The following HEPH variants were observed in gnomAD, a reference collection of about 807,000 sequenced individuals.
HEPH encodes the protein hephaestin.
HEPH carries 69 observed loss-of-function variants against 80.8 expected under a neutral mutation model. The ratio of observed to expected loss-of-function variants is 0.85; its 90% CI spans 0.70 to 1.04. The LOEUF (loss-of-function observed/expected upper bound fraction) is 1.04, where lower values mean the gene tolerates loss of function less well. HEPH is among the 50% of genes least tolerant of loss of function. The pLI, the probability that HEPH is intolerant of heterozygous loss-of-function variation, is 0.00. For synonymous variants in HEPH, 431 were observed against 322.8 expected, an observed-to-expected ratio of 1.34 and a Z score of -3.60; for missense variants, 1,115 against 891.3, an observed-to-expected ratio of 1.25 and a Z score of -3.20.
At chrX:66,207,157 A>T in intron 13 of HEPH, 38 bp from the exon 14 acceptor site, 2 of 1,124,043 alleles carry the variant, frequency 1.8e-6, no homozygotes, top group Admixed American at 2.4e-5. Context: ...TGAGGGGTTG[A>T]TGGCCAGGTG....
intron 15 of HEPH, among the ~76,000 whole-genome samples, chrX:66,222,499 G>A (rs756896358): frequency 8.9e-6 from 1 of 111,943 alleles, no homozygotes; most frequent in African/African-American, 3.2e-5. Context: ...TGTCTTAATT[G>A]CCAAAGTTTG....
At chrX:66,201,883 A>G (rs2088478205) in intron 12 of HEPH, among the ~76,000 whole-genome samples, 1 of 112,416 alleles carries the variant, frequency 8.9e-6, no homozygotes, top group Non-Finnish European at 1.9e-5. Flanking sequence ...AATTGCTGAT[A>G]GGATTTACTG....
In HEPH at chrX:66,197,824, A is replaced by T. The variant is rs2088187352; in HGVS notation, c.1643A>T (p.Asp548Val). 8.3e-7 allele frequency: 1 copy of T among 1,210,882 alleles called. No homozygotes were observed. The highest frequency in any genetic ancestry group is 1.1e-6 in the Non-Finnish European group (1 of 895,177). ...TTCTCTGCTGCAGATCCCATAAGAGACACAAATTCTGGCCTGGTGGGCCCG... is the reference window on the plus strand; with the variant it reads ...TTCTCTGCTGCAGATCCCATAAGAGTCACAAATTCTGGCCTGGTGGGCCCG... ...MYFSAADPIR[D>V]TNSGLVGPLL... Residue 548 changes from aspartate (D) to valine (V), a missense_variant, in exon 10 of 21, where the codon GAC (aspartate) becomes GTC (valine). Around this residue, in one of 3 missense-constraint regions of HEPH, gnomAD observed 716 missense variants for 523.5 expected, o/e 1.37. Transcript: ENST00000343002.
chrX:66,230,217 A>G (rs2090069243), intron 15 of HEPH, among the ~76,000 whole-genome samples: 1 of 88,304 alleles, frequency 1.1e-5, no homozygotes, highest in Non-Finnish European at 2.2e-5. Flanking sequence ...GCTATTGTGA[A>G]TAATGCCGCA....
rs773316131 is a variant in HEPH, at chrX:66,164,311, C to T, written c.-173C>T. 2.1e-5 allele frequency: 16 copies of T among 751,163 alleles called. No individual in the cohort carries two copies. Among genetic ancestry groups the T allele is most frequent in the Non-Finnish European group, 2.5e-5 (16 of 638,185 alleles). 61.9% of individuals were successfully genotyped at this position (751,163 alleles called of 1,213,427 possible). On this transcript the variant is annotated 5_prime_UTR_variant, in exon 1 of 21. Transcript: ENST00000343002. ...CCTTCCCCCTCCCTCATCCTCCCAT[C>T]CCAGTAAACCCTGCCAAATTGGAAT...
intron 15 of HEPH, among the ~76,000 whole-genome samples, chrX:66,234,579 GTT>G (rs370098918): frequency 9.7e-6 from 1 of 103,219 alleles, no homozygotes; most frequent in African/African-American, 3.5e-5. Context: ...CCACCATCTG[GTT>G]TTTTTTTTTG....
chrX:66,226,363 A>G (rs1204350239), intron 15 of HEPH, among the ~76,000 whole-genome samples: 1 of 112,174 alleles, frequency 8.9e-6, no homozygotes, highest in Non-Finnish European at 1.9e-5. Context: ...GCATATATAG[A>G]CAATCTATGG....
At chrX:66,251,456 G>C (rs934794999) in intron 15 of HEPH, among the ~76,000 whole-genome samples, 1 of 111,991 alleles carries the variant, frequency 8.9e-6, no homozygotes, top group African/African-American at 3.2e-5. Context: ...GGCTAATAAT[G>C]TTTAACATCT....
intron 15 of HEPH, among the ~76,000 whole-genome samples, chrX:66,235,434 C>A (rs1247114480): frequency 9.0e-6 from 1 of 111,415 alleles, no homozygotes; most frequent in Non-Finnish European, 1.9e-5. Context: ...GTTATCCTAG[C>A]ACCATTTATT....
At chrX:66,241,969 C>T (rs1053736114) in intron 15 of HEPH, among the ~76,000 whole-genome samples, 1 of 109,592 alleles carries the variant, frequency 9.1e-6, no homozygotes, top group Non-Finnish European at 1.9e-5. Context: ...CAATGGTATT[C>T]CTATCAAACC....
At chrX:66,208,634 A>G (rs2088939028) in intron 15 of HEPH, among the ~76,000 whole-genome samples, 1 of 445 alleles carries the variant, frequency 2.2e-3, no homozygotes, top group Middle Eastern at 0.33. Flanking sequence ...ATACATACAT[A>G]TATATATATA....
intron 20 of HEPH, among the ~76,000 whole-genome samples, chrX:66,266,085 C>T (rs1287968592): frequency 9.0e-6 from 1 of 110,999 alleles, no homozygotes; most frequent in East Asian, 2.8e-4. Flanking sequence ...CTTATTGCCT[C>T]CAATTCTACC....
intron 15 of HEPH, among the ~76,000 whole-genome samples, chrX:66,253,423 G>T (rs12015027): frequency 0.091 from 10,148 of 111,874 alleles, 1,064 homozygotes; most frequent in African/African-American, 0.31. Context: ...CTTTTCACAT[G>T]CTAGGATAAC....
intron 15 of HEPH, among the ~76,000 whole-genome samples, chrX:66,215,652 T>C (rs1281678320): frequency 2.7e-5 from 3 of 111,737 alleles, no homozygotes; most frequent in Non-Finnish European, 5.6e-5. Flanking sequence ...CAGCTCCCAC[T>C]GGGATGGACA....
chrX:66,239,281 A>G (rs566449781), intron 15 of HEPH, among the ~76,000 whole-genome samples: 1 of 111,568 alleles, frequency 9.0e-6, no homozygotes, highest in Non-Finnish European at 1.9e-5. Context: ...GGGGACCAGG[A>G]ATAAGTCCGA....
At chrX:66,262,464 G>A (rs1434226154) in intron 19 of HEPH, among the ~76,000 whole-genome samples, 2 of 111,734 alleles carry the variant, frequency 1.8e-5, no homozygotes, top group Non-Finnish European at 3.8e-5. Context: ...AGGGTACAGG[G>A]CTTGAGAAAA....
At chrX:66,208,796 T>C (rs1485375961) in intron 15 of HEPH, among the ~76,000 whole-genome samples, 1 of 105,609 alleles carries the variant, frequency 9.5e-6, no homozygotes, top group Non-Finnish European at 1.9e-5. Context: ...TGGCTAATAT[T>C]CCTGTTTCAG....
At chrX:66,215,122 A>T (rs2089331001) in intron 15 of HEPH, among the ~76,000 whole-genome samples, 1 of 111,645 alleles carries the variant, frequency 9.0e-6, no homozygotes, top group African/African-American at 3.2e-5. Context: ...GTCTTCTATG[A>T]CTTTATAGTT....
chrX:66,241,011 G>C (rs1255489568), intron 15 of HEPH, among the ~76,000 whole-genome samples: 2 of 111,701 alleles, frequency 1.8e-5, no homozygotes, highest in Non-Finnish European at 3.8e-5. Context: ...GGCCAACTTG[G>C]AGAAACCCCA....
Sources: allele counts gnomAD v4.1 joint callset (sites outside exome capture counted in the v4.1 genomes callset), GRCh38; gene constraint gnomAD v4.1.1; regional missense constraint gnomAD v4.1.1; transcripts MANE v1.5; gene names NCBI Gene and HGNC (gene_info 2026-07-23, HGNC 2026-07-21).